Variants in HDAC6 observed in about 807,000 individuals in gnomAD.
HDAC6 encodes histone deacetylase 6.
In HDAC6, 5 loss-of-function variants were observed where a neutral mutation model predicts 88.9. The ratio of observed to expected loss-of-function variants is 0.06; its 90% CI spans 0.03 to 0.12. The LOEUF (loss-of-function observed/expected upper bound fraction) is 0.12, where lower values mean the gene tolerates loss of function less well. HDAC6 is among the 10% of genes least tolerant of loss of function. The pLI is 1.00. For synonymous variants in HDAC6, 378 were observed against 398.0 expected (o/e 0.95, Z 0.60); for missense variants, 706 against 1,014.4 (o/e 0.70, Z 4.13).
At chrX:48,811,346 G>A (rs1432556482) in intron 10 of HDAC6, among the ~76,000 whole-genome samples, 1 of 112,311 alleles carries the variant, frequency 8.9e-6, no homozygotes. Flanking sequence ...TCTGAGTTAT[G>A]TCTCTTTATT....
chrX:48,809,856 T>C (rs2062873390), intron 10 of HDAC6, among the ~76,000 whole-genome samples: 2 of 110,465 alleles, frequency 1.8e-5, no homozygotes, highest in Non-Finnish European at 3.8e-5. Flanking sequence ...GATTTCTAGA[T>C]TAGGGATGCT....
At chrX:48,801,939 G>A (rs1405827891), upstream of HDAC6, 13 of 970,629 alleles carry the variant, frequency 1.3e-5, no homozygotes, top group Non-Finnish European at 1.6e-5. Context: ...TCCAATGAGT[G>A]GAGCGGTGAG....
rs1051560198 is a variant in HDAC6, at chrX:48,803,011, C to T, written c.222+12C>T. On this transcript the variant is annotated intron_variant, in intron 3 of 28. Coordinates refer to ENST00000334136, the MANE Select transcript of HDAC6 (RefSeq NM_006044.4). Reference sequence around the variant, plus strand: ...GACTGCAAGGGATGGTGAGCAGGGCCTGGCTGCAGTTTAGCCTCGTATGAC... The same window carrying T: ...GACTGCAAGGGATGGTGAGCAGGGCTTGGCTGCAGTTTAGCCTCGTATGAC... 6 of 1,207,659 alleles carry T rather than the reference C, an allele frequency of 5.0e-6. No individual in the cohort carries two copies. The African/African-American group carries it at 7.0e-5, about 14-fold the overall frequency.
At chrX:48,807,099 A>G (rs1293588067) in intron 8 of HDAC6, 1 of 122,342 alleles carries the variant, frequency 8.2e-6, no homozygotes, top group African/African-American at 3.2e-5. Context: ...TCTTATCATC[A>G]TTGGCATCCC....
intron 19 of HDAC6, 130 bp downstream of exon 19, chrX:48,816,763 A>C: frequency 7.9e-5 from 7 of 88,534 alleles, no homozygotes; most frequent in East Asian, 1.8e-4. Flanking sequence ...GGGGCACGGG[A>C]GGGGGTGGGC....
In HDAC6 at chrX:48,817,439, T is replaced by C. The variant is rs782097607; in HGVS notation, c.1905T>C (p.Thr635=). The C allele has an allele frequency of 2.5e-6, 3 of 1,209,084 alleles. No homozygotes were observed. Among genetic ancestry groups the C allele is most frequent in the Non-Finnish European group, 3.4e-6 (3 of 894,493 alleles). The change falls in exon 20 of 29, where the codon ACT becomes ACC. Residue 635 remains threonine, a synonymous_variant. Coordinates refer to ENST00000334136, the MANE Select transcript of HDAC6 (RefSeq NM_006044.4). The part of the protein sequence containing the change: ...SVAVAARHAQ[T]ISGHALRILI... ...CTGTGGCTGCTCGCCATGCCCAGAC[T>C]ATCAGTGGGCATGCCCTACGGTAAG...
chrX:48,803,029 C>T (rs1557022978), intron 3 of HDAC6, 30 bp downstream of exon 3: 2 of 1,204,859 alleles, frequency 1.7e-6, no homozygotes, highest in Admixed American at 2.2e-5. Context: ...AGTTTAGCCT[C>T]GTATGACAAT....
chrX:48,810,470 GAA>G (rs1469552929), intron 10 of HDAC6, among the ~76,000 whole-genome samples: 1 of 111,008 alleles, frequency 9.0e-6, no homozygotes, highest in Non-Finnish European at 1.9e-5. Context: ...TAAACTCTTG[GAA>G]ATTATTTTCT....
chrX:48,805,289 G>A, intron 4 of HDAC6, 149 bp from the exon 5 acceptor site: 3 of 467,716 alleles, frequency 6.4e-6, no homozygotes, highest in Admixed American at 3.4e-5. Flanking sequence ...TGAGGAGAGG[G>A]TCACACACCA....
At position 48,802,905 on chromosome X, in the gene HDAC6, C is replaced by G. The variant is rs1557022889; in HGVS notation, c.128C>G (p.Ser43Cys). The G allele has an allele frequency of 1.7e-6, 2 of 1,209,096 alleles. No homozygotes were observed. The highest frequency in any genetic ancestry group is 2.2e-6 in the Non-Finnish European group (2 of 893,860). The change falls in exon 3 of 29, where the codon TCT becomes TGT. Residue 43 changes from serine to cysteine, a missense_variant. By Grantham distance (112) the Ser-to-Cys change is moderately radical. Around this residue, in one of 9 missense-constraint regions of HDAC6, gnomAD observed 193 missense variants for 258.2 expected, o/e 0.75. Coordinates refer to ENST00000334136, the MANE Select transcript of HDAC6 (RefSeq NM_006044.4). ...RNIKKGAVPR[S>C]IPNLAEVKKK... ...ATTAAAAAGGGAGCCGTTCCCCGCT[C>G]TATCCCCAATCTAGCGGAGGTAAAG...
rs1485121744 is a variant in HDAC6 at position 48,804,588 on chromosome X, T to C, written c.312-850T>C. Among the ~76,000 whole-genome samples, 6 of 112,430 alleles carry C rather than the reference T, an allele frequency of 5.3e-5. No homozygotes were observed. The East Asian group carries it at 1.6e-3, about 31-fold the overall frequency. ...TTATCCCAACCTAAGACTAACTTAC[T>C]ATGGGAAAAAGACTTCTTTTATGGA... On this transcript the variant is annotated intron_variant, in intron 4 of 28. Transcript: ENST00000334136.
At chrX:48,816,408 C>G (rs930306560) in intron 18 of HDAC6, 57 bp from the exon 19 acceptor site, 5 of 1,130,124 alleles carry the variant, frequency 4.4e-6, no homozygotes, top group East Asian at 6.3e-5. Context: ...GGGTGGGGAC[C>G]AGGGAGGGGA....
At chrX:48,819,046 G>A (rs909146593) in intron 22 of HDAC6, among the ~76,000 whole-genome samples, 29 of 112,273 alleles carry the variant, frequency 2.6e-4, no homozygotes, top group Non-Finnish European at 5.3e-4. Flanking sequence ...CCTGGGCGCC[G>A]GTGTGCATCT....
chrX:48,801,534 C>T (rs781901449), upstream of HDAC6: 8 of 194,369 alleles, frequency 4.1e-5, no homozygotes, highest in Non-Finnish European at 6.7e-5. Context: ...GGGGCGGCGG[C>T]TATGGCATCC....
intron 22 of HDAC6, chrX:48,819,733 CAG>C: frequency 3.8e-6 from 1 of 265,545 alleles, no homozygotes; most frequent in South Asian, 3.8e-5. Flanking sequence ...TTAGTAGAGA[CAG>C]GGTTTCACTG....
At position 48,809,815 on chromosome X, in the gene HDAC6, A is replaced by T. The variant is rs1602247406; in HGVS notation, c.806+1489A>T. ...AGACCCCATCTAAAAAAAAAAAAAA[A>T]GTTTAGGATTTTACAGCATTTCAGA... On this transcript the variant is annotated intron_variant, in intron 10 of 28. Coordinates refer to ENST00000334136, the MANE Select transcript of HDAC6 (RefSeq NM_006044.4). Among the ~76,000 whole-genome samples, 3 of 109,496 alleles carry T rather than the reference A, an allele frequency of 2.7e-5. No homozygotes were observed. The Admixed American group carries it at 2.9e-4, about 11-fold the overall frequency.
At chrX:48,807,671 C>G (rs1249246149) in intron 8 of HDAC6, among the ~76,000 whole-genome samples, 1 of 111,736 alleles carries the variant, frequency 8.9e-6, no homozygotes, top group African/African-American at 3.3e-5. Flanking sequence ...CGCCACCACA[C>G]CCAGCTAATT....
At chrX:48,805,079 T>C (rs1455244013) in intron 4 of HDAC6, among the ~76,000 whole-genome samples, 1 of 111,435 alleles carries the variant, frequency 9.0e-6, no homozygotes, top group Non-Finnish European at 1.9e-5. Context: ...GTTTAGGGCC[T>C]TCTGGGCATG....
At chrX:48,820,404 C>T (rs2063062084) in intron 23 of HDAC6, 149 bp downstream of exon 23, 2 of 493,711 alleles carry the variant, frequency 4.1e-6, no homozygotes, top group African/African-American at 4.7e-5. Context: ...ATAACAGCAA[C>T]ATTAACAGCC....
Sources: gnomAD v4.1 joint callset for allele counts (sites outside exome capture counted in the v4.1 genomes callset) on GRCh38, gnomAD v4.1.1 for gene constraint, gnomAD v4.1.1 regional missense constraint, MANE v1.5 for transcripts, NCBI Gene and HGNC (gene_info 2026-07-23, HGNC 2026-07-21) for gene names.